Variants in TMEM74 observed in about 807,000 individuals in gnomAD.
The protein encoded by TMEM74 is transmembrane protein 74.
TMEM74 carries 13 observed loss-of-function variants against 18.1 expected under a neutral mutation model. The ratio of observed to expected loss-of-function variants is 0.72; its 90% CI spans 0.47 to 1.14. TMEM74 has a LOEUF of 1.14. Ranked by LOEUF, TMEM74 falls within the 50% of genes most tolerant of loss-of-function variation. TMEM74 has a pLI of 0.00. For synonymous variants in TMEM74, 159 were observed against 146.6 expected (o/e 1.08, Z -0.61); for missense variants, 372 against 375.9 (o/e 0.99, Z 0.09).
intron 2 of TMEM74, among the ~76,000 whole-genome samples, chr8:108,637,598 G>A (rs751789990): frequency 6.6e-6 from 1 of 152,084 alleles, no homozygotes; most frequent in Non-Finnish European, 1.5e-5. Flanking sequence ...CCATGTTGCT[G>A]GCTTTGAAAA....
Position 108,784,293 on chromosome 8 carries a change from T to C in TMEM74, c.806A>G (p.Lys269Arg). The change falls in exon 2 of 2, where the codon AAA (lysine) becomes AGA (arginine). Residue 269 changes from lysine (K) to arginine (R), a missense_variant. By Grantham distance (26) the Lys-to-Arg change is conservative. Coordinates refer to ENST00000297459, the MANE Select transcript of TMEM74 (RefSeq NM_153015.3). ...LYRRNRFASS[K>R]ESAKLYGSFN... Reference sequence around the variant, plus strand: ...AGAACCATAGAGTTTTGCAGACTCTTTGGAAGAGGCAAATCTGTTTCGACG... The same window carrying C: ...AGAACCATAGAGTTTTGCAGACTCTCTGGAAGAGGCAAATCTGTTTCGACG... The C allele has an allele frequency of 2.5e-6, 4 of 1,614,088 alleles. No individual in the cohort carries two copies. In the South Asian group the frequency reaches 3.3e-5, roughly 13 times the overall value.
At chr8:108,767,255 T>C (rs1814118816) in intron 1 of TMEM74, among the ~76,000 whole-genome samples, 2 of 152,158 alleles carry the variant, frequency 1.3e-5, no homozygotes, top group African/African-American at 4.8e-5. Flanking sequence ...GAGTAGAGAT[T>C]CAGCAATTTT....
chr8:108,666,091 G>T (rs1336240151), intron 1 of TMEM74, among the ~76,000 whole-genome samples: 1 of 152,078 alleles, frequency 6.6e-6, no homozygotes, highest in African/African-American at 2.4e-5. Context: ...TAAATAATAA[G>T]AATAACTGAA....
chr8:108,741,151 G>A (rs1813796361), intron 1 of TMEM74, among the ~76,000 whole-genome samples: 1 of 152,088 alleles, frequency 6.6e-6, no homozygotes, highest in Non-Finnish European at 1.5e-5. Context: ...ATATTGTTTA[G>A]GTATACCTAC....
At chr8:108,668,910 TA>T (rs111468002) in intron 1 of TMEM74, among the ~76,000 whole-genome samples, 4,463 of 152,156 alleles carry the variant, frequency 0.029, 123 homozygotes, top group African/African-American at 0.066. Context: ...CTTATTCAGA[TA>T]ATCGGTCAGT....
chr8:108,690,833 A>AAAT (rs754928606), intron 1 of TMEM74, among the ~76,000 whole-genome samples: 42 of 151,990 alleles, frequency 2.8e-4, no homozygotes, highest in African/African-American at 8.9e-4. Flanking sequence ...AAAAAATAAA[A>AAAT]AATAATAATA....
At chr8:108,634,566 C>A (rs1812588352) in intron 2 of TMEM74, among the ~76,000 whole-genome samples, 1 of 152,046 alleles carries the variant, frequency 6.6e-6, no homozygotes, top group African/African-American at 2.4e-5. Flanking sequence ...CTTTCCAAAC[C>A]TTTTCCTTTG....
At position 108,617,671 on chromosome 8, in the gene TMEM74, C is replaced by A. The variant is rs114807359; in HGVS notation, n.265-8845G>T. Among the ~76,000 whole-genome samples the A allele has an allele frequency of 7.2e-3, 1,089 of 151,678 alleles. 18 individuals carry two copies. Among genetic ancestry groups the A allele is most frequent in the African/African-American group, 0.024 (990 of 41,306 alleles). ...CTGATCTAACAGGAAGAACCCAGAC[C>A]CCATAAAAATGGAATGAATGGAATA... On this transcript the variant is annotated intron_variant and non_coding_transcript_variant, in intron 2 of 3. Transcript: ENST00000518838.
intron 1 of TMEM74, among the ~76,000 whole-genome samples, chr8:108,697,576 C>T (rs1017903704): frequency 5.9e-5 from 9 of 152,030 alleles, no homozygotes; most frequent in African/African-American, 2.2e-4. Context: ...TGCCACCACA[C>T]CTGGATAATT....
chr8:108,725,599 C>G (rs1049644665), intron 1 of TMEM74, among the ~76,000 whole-genome samples: 1 of 152,076 alleles, frequency 6.6e-6, no homozygotes, highest in African/African-American at 2.4e-5. Context: ...GGTGAAAATA[C>G]TCAGCTATCC....
chr8:108,756,591 A>G, intron 1 of TMEM74, among the ~76,000 whole-genome samples: 1 of 107,404 alleles, frequency 9.3e-6, no homozygotes, highest in African/African-American at 4.2e-5. Context: ...AAAGAAAGAA[A>G]GAAAGAGAAA....
chr8:108,668,200 T>G (rs75380998), intron 1 of TMEM74, among the ~76,000 whole-genome samples: 1,560 of 152,262 alleles, frequency 0.01, 14 homozygotes, highest in South Asian at 0.02. Context: ...GTTCATAAAT[T>G]TAATAAGTGA....
chr8:108,714,434 C>A (rs1188634794), intron 1 of TMEM74, among the ~76,000 whole-genome samples: 1 of 152,108 alleles, frequency 6.6e-6, no homozygotes, highest in Non-Finnish European at 1.5e-5. Flanking sequence ...GATATAGATA[C>A]CCTCTGGCAC....
intron 2 of TMEM74, among the ~76,000 whole-genome samples, chr8:108,637,942 G>A (rs1279593035): frequency 6.6e-6 from 1 of 152,082 alleles, no homozygotes; most frequent in African/African-American, 2.4e-5. Context: ...ATAATTGGTG[G>A]GAAGAAAATT....
chr8:108,706,159 T>C (rs78985085), intron 1 of TMEM74, among the ~76,000 whole-genome samples: 3,352 of 152,310 alleles, frequency 0.022, 127 homozygotes, highest in African/African-American at 0.077. Flanking sequence ...TTGCATTGCA[T>C]CCCAAATATT....
intron 1 of TMEM74, among the ~76,000 whole-genome samples, chr8:108,737,181 A>T (rs547153403): frequency 6.6e-6 from 1 of 152,246 alleles, no homozygotes; most frequent in South Asian, 2.1e-4. Context: ...CTTATTATGT[A>T]TGGACTCCTG....
At position 108,745,746 on chromosome 8, in the gene TMEM74, C is replaced by T. The variant is rs1444679632; in HGVS notation, n.119+41730G>A. Among the ~76,000 whole-genome samples, 5 of 152,250 alleles carry T rather than the reference C, an allele frequency of 3.3e-5. No individual in the cohort carries two copies. In the East Asian group the frequency reaches 7.7e-4, roughly 24 times the overall value. ...CCTCCAAAGAAAGAAGAAGTAAAAA[C>T]TAAAAGGCAGAAATGAAATCCACAG... On this transcript the variant is annotated intron_variant and non_coding_transcript_variant, in intron 1 of 3. Coordinates refer to the TMEM74 transcript ENST00000518838.
chr8:108,785,526 A>G (rs1044054325), intron 1 of TMEM74, among the ~76,000 whole-genome samples: 13 of 152,220 alleles, frequency 8.5e-5, no homozygotes, highest in African/African-American at 3.1e-4. Flanking sequence ...AGCCCTTTTT[A>G]GCAGAGCTGC....
intron 1 of TMEM74, among the ~76,000 whole-genome samples, chr8:108,675,792 A>C (rs1175699219): frequency 6.6e-6 from 1 of 152,248 alleles, no homozygotes; most frequent in Non-Finnish European, 1.5e-5. Context: ...CAAACAGGGC[A>C]TAGGCCTAGG....
Sources: allele counts gnomAD v4.1 joint callset (sites outside exome capture counted in the v4.1 genomes callset), GRCh38; gene constraint gnomAD v4.1.1; transcripts MANE v1.5; gene names NCBI Gene and HGNC (gene_info 2026-07-23, HGNC 2026-07-21).